PARD3B: variants seen among roughly 807,000 people sequenced by gnomAD.
PARD3B encodes par-3 family cell polarity regulator beta, also known as partitioning defective 3 homolog B.
A neutral mutation model predicts 130.2 loss-of-function variants in PARD3B; 103 were observed. The ratio of observed to expected loss-of-function variants is 0.79; its 90% CI spans 0.67 to 0.93. The LOEUF (loss-of-function observed/expected upper bound fraction) is 0.93, where lower values mean the gene tolerates loss of function less well. Ranked by LOEUF, PARD3B falls within the 40% of genes least tolerant of loss-of-function variation. The pLI, the probability that PARD3B is intolerant of heterozygous loss-of-function variation, is 0.00. For synonymous variants in PARD3B, 583 were observed against 553.2 expected (o/e 1.05, Z -0.76); for missense variants, 1,609 against 1,499.2 (o/e 1.07, Z -1.21).
rs563090215 is a variant in PARD3B, at chr2:204,782,282, C to A, written c.222+96000C>A. ...GAGAATGTTTTTTATATCAGTAATT[C>A]ACTTATGAGTTTCATTCCTTGTTAA... On this transcript the variant is annotated intron_variant, in intron 2 of 22. Transcript: ENST00000406610. Among the ~76,000 whole-genome samples the A allele has an allele frequency of 5.1e-4, 77 of 152,018 alleles. 2 individuals carry two copies. The South Asian group carries it at 0.016, about 31-fold the overall frequency.
chr2:205,163,787 C>G (rs75080360), intron 11 of PARD3B, among the ~76,000 whole-genome samples: 1 of 152,036 alleles, frequency 6.6e-6, no homozygotes, highest in Non-Finnish European at 1.5e-5. Flanking sequence ...TGTGATAGAT[C>G]TATAATTAAT....
At chr2:204,998,336 ATATATATATATATATATATATATG>A (rs1251809530) in intron 3 of PARD3B, among the ~76,000 whole-genome samples, 10 of 25,934 alleles carry the variant, frequency 3.9e-4, no homozygotes, top group African/African-American at 1.1e-3. Flanking sequence ...ATATATATAT[ATATATATATATATATATATATATG>A]TGTGTGTGTG....
intron 2 of PARD3B, among the ~76,000 whole-genome samples, chr2:204,773,673 G>A (rs2041489131): frequency 6.6e-6 from 1 of 151,984 alleles, no homozygotes; most frequent in Non-Finnish European, 1.5e-5. Flanking sequence ...AATATAAATT[G>A]CAATATATAT....
chr2:205,080,461 G>A (rs1701335303), intron 4 of PARD3B, among the ~76,000 whole-genome samples: 1 of 151,914 alleles, frequency 6.6e-6, no homozygotes, highest in Admixed American at 6.6e-5. Context: ...TCCTTGATAT[G>A]AAAAGGGAAA....
intron 2 of PARD3B, among the ~76,000 whole-genome samples, chr2:204,715,689 G>A (rs2038687546): frequency 6.6e-6 from 1 of 152,044 alleles, no homozygotes; most frequent in South Asian, 2.1e-4. Flanking sequence ...GAAAAGTTTG[G>A]GGGCTGCTTG....
chr2:204,572,155 T>G (rs1017507296), intron 1 of PARD3B, among the ~76,000 whole-genome samples: 1 of 152,162 alleles, frequency 6.6e-6, no homozygotes, highest in Admixed American at 6.5e-5. Flanking sequence ...AACAAAGTAC[T>G]TTGTTAGTTT....
In PARD3B at chr2:204,767,003, T is replaced by TATTTTTTA. The variant is rs1484804763; in HGVS notation, c.222+80728_222+80729insAATTTTTT. Among the ~76,000 whole-genome samples the TATTTTTTA allele has an allele frequency of 4.9e-3, 718 of 145,772 alleles. 4 individuals are homozygous for TATTTTTTA. Among genetic ancestry groups the TATTTTTTA allele is most frequent in the Non-Finnish European group, 8.7e-3 (574 of 66,212 alleles). On this transcript the variant is annotated intron_variant, in intron 2 of 22. Coordinates refer to ENST00000406610, the MANE Select transcript of PARD3B (RefSeq NM_001302769.2). ...TTTCACATTTTTTATTTTATTTTTT[T>TATTTTTTA]ATTTTTTTATTATACTCTAAGTTTT...
intron 2 of PARD3B, among the ~76,000 whole-genome samples, chr2:204,825,707 G>A (rs1290444262): frequency 6.6e-6 from 1 of 152,182 alleles, no homozygotes; most frequent in African/African-American, 2.4e-5. Flanking sequence ...CCTATATATA[G>A]TTTCCCAGTA....
intron 1 of PARD3B, among the ~76,000 whole-genome samples, chr2:204,654,638 G>A (rs1033131132): frequency 6.6e-6 from 1 of 152,174 alleles, no homozygotes; most frequent in Admixed American, 6.5e-5. Flanking sequence ...ATGAGAAACT[G>A]TCTCTAAAAA....
In PARD3B at chr2:204,857,763, G is replaced by A. The variant is rs187031670; in HGVS notation, c.223-107389G>A. On this transcript the variant is annotated intron_variant, in intron 2 of 22. Transcript: ENST00000406610. ...ACACTTCTGGGGAGAAAGTCAGAGA[G>A]TGACATCCTCGATTTTATAGCCTGC... 5.1e-4 allele frequency among the ~76,000 whole-genome samples: 78 copies of A among 152,272 alleles called. 1 individual carries two copies. Among genetic ancestry groups the A allele is most frequent in the South Asian group, 6.2e-4 (3 of 4,832 alleles).
At chr2:204,938,237 A>C (rs533150658) in intron 2 of PARD3B, among the ~76,000 whole-genome samples, 1 of 152,284 alleles carries the variant, frequency 6.6e-6, no homozygotes, top group South Asian at 2.1e-4. Flanking sequence ...CTAAACTAAA[A>C]TCCACAGTCC....
chr2:205,496,757 T>C (rs2049940551), intron 20 of PARD3B, among the ~76,000 whole-genome samples: 1 of 152,168 alleles, frequency 6.6e-6, no homozygotes, highest in Non-Finnish European at 1.5e-5. Flanking sequence ...AATTTTTTTT[T>C]TCCACCACAA....
Position 205,377,734 on chromosome 2 carries a change from C to G in PARD3B, c.2631-23279C>G, listed in dbSNP as rs77430683. Among the ~76,000 whole-genome samples the G allele has an allele frequency of 2.9e-3, 428 of 150,000 alleles. 1 individual carries two copies. The highest frequency in any genetic ancestry group is 0.01 in the African/African-American group (414 of 40,550). ...AGGTCCCTCTAATCAGTTTTGATAT[C>G]GAGACCAAGTATCACATGGTGTAAT... On this transcript the variant is annotated intron_variant, in intron 18 of 22. Coordinates refer to ENST00000406610, the MANE Select transcript of PARD3B (RefSeq NM_001302769.2).
chr2:204,736,472 G>T (rs562749236), intron 2 of PARD3B, among the ~76,000 whole-genome samples: 2 of 152,000 alleles, frequency 1.3e-5, no homozygotes, highest in African/African-American at 2.4e-5. Context: ...ATATCACTCT[G>T]CATGCCTTTG....
intron 3 of PARD3B, among the ~76,000 whole-genome samples, chr2:205,019,855 T>C (rs1696464998): frequency 6.6e-6 from 1 of 152,180 alleles, no homozygotes; most frequent in Non-Finnish European, 1.5e-5. Flanking sequence ...TAGAGAACTG[T>C]CTGAGAGAAT....
At chr2:204,925,359 T>G (rs1687521088) in intron 2 of PARD3B, among the ~76,000 whole-genome samples, 1 of 152,072 alleles carries the variant, frequency 6.6e-6, no homozygotes, top group Non-Finnish European at 1.5e-5. Context: ...ACTTTGTAGC[T>G]GGGATTGAGA....
At chr2:205,016,481 C>T (rs2125321347) in intron 3 of PARD3B, among the ~76,000 whole-genome samples, 1 of 152,284 alleles carries the variant, frequency 6.6e-6, no homozygotes, top group Non-Finnish European at 1.5e-5. Flanking sequence ...TGGACACATT[C>T]ATGGCTTTTT....
chr2:205,009,407 C>T (rs1695529507), intron 3 of PARD3B, among the ~76,000 whole-genome samples: 1 of 151,676 alleles, frequency 6.6e-6, no homozygotes, highest in South Asian at 2.1e-4. Context: ...CATGGTGGCT[C>T]ATGCCTGTAA....
chr2:205,557,273 A>C (rs1161508434), intron 22 of PARD3B, among the ~76,000 whole-genome samples: 1 of 152,182 alleles, frequency 6.6e-6, no homozygotes, highest in Non-Finnish European at 1.5e-5. Flanking sequence ...GCTGCCGTCC[A>C]GCTTTTTTTG....
Sources: gnomAD v4.1 joint callset for allele counts (sites outside exome capture counted in the v4.1 genomes callset) on GRCh38, gnomAD v4.1.1 for gene constraint, MANE v1.5 for transcripts, NCBI Gene and HGNC (gene_info 2026-07-23, HGNC 2026-07-21) for gene names.